The following GADL1 variants were observed in gnomAD, a reference collection of about 807,000 sequenced individuals.
GADL1 encodes the protein acidic amino acid decarboxylase GADL1.
A neutral mutation model predicts 69.5 loss-of-function variants in GADL1; 71 were observed. The observed-to-expected ratio is 1.02, with a 90% CI of 0.84 to 1.25. The LOEUF is 1.25. Among genes scored for constraint, GADL1 ranks in the 50% most tolerant of loss-of-function variants. The pLI is 0.00. For missense variants in GADL1, 737 were observed against 631.8 expected, an observed-to-expected ratio of 1.17 and a Z score of -1.79; for synonymous variants, 254 against 214.4, an observed-to-expected ratio of 1.18 and a Z score of -1.62.
At chr3:30,801,320 T>C (rs1434585842) in intron 11 of GADL1, among the ~76,000 whole-genome samples, 1 of 152,132 alleles carries the variant, frequency 6.6e-6, no homozygotes, top group Non-Finnish European at 1.5e-5. Flanking sequence ...ATCTTCACAA[T>C]TTTACTGAGT....
chr3:30,837,039 A>T (rs1306418769), intron 9 of GADL1, among the ~76,000 whole-genome samples: 2 of 152,066 alleles, frequency 1.3e-5, no homozygotes, highest in South Asian at 4.1e-4. Context: ...CAGAGTTAAA[A>T]TTTTTTTAAG....
intron 11 of GADL1, among the ~76,000 whole-genome samples, chr3:30,810,286 A>G (rs961724774): frequency 2.0e-5 from 3 of 152,184 alleles, no homozygotes; most frequent in Non-Finnish European, 4.4e-5. Flanking sequence ...GTTAATTGAT[A>G]TAATGCTTTT....
chr3:30,831,044 C>A (rs1697781616), intron 11 of GADL1, among the ~76,000 whole-genome samples: 2 of 151,940 alleles, frequency 1.3e-5, no homozygotes, highest in African/African-American at 4.8e-5. Flanking sequence ...TCTCTCTTGC[C>A]ATCAACTCTG....
intron 14 of GADL1, among the ~76,000 whole-genome samples, chr3:30,735,456 A>C (rs987066871): frequency 6.6e-6 from 1 of 152,216 alleles, no homozygotes; most frequent in Admixed American, 6.5e-5. Flanking sequence ...AATACTACTC[A>C]GCAATTAAAG....
At chr3:30,806,002 C>A (rs1028538521) in intron 11 of GADL1, among the ~76,000 whole-genome samples, 56 of 151,992 alleles carry the variant, frequency 3.7e-4, no homozygotes, top group Non-Finnish European at 2.9e-4. Flanking sequence ...TCACCTACCA[C>A]TCACCTCCTG....
chr3:30,822,250 G>T, intron 11 of GADL1, among the ~76,000 whole-genome samples: 1 of 152,034 alleles, frequency 6.6e-6, no homozygotes, highest in East Asian at 1.9e-4. Flanking sequence ...GGCAGTCACT[G>T]ATCACCTCAG....
intron 14 of GADL1, among the ~76,000 whole-genome samples, chr3:30,741,504 A>G (rs1211157833): frequency 6.6e-6 from 1 of 152,004 alleles, no homozygotes; most frequent in Non-Finnish European, 1.5e-5. Context: ...TGATCTGTCT[A>G]TTCTCAGAAT....
intron 1 of GADL1, among the ~76,000 whole-genome samples, chr3:30,872,058 C>T (rs756632528): frequency 1.3e-5 from 2 of 151,866 alleles, no homozygotes; most frequent in Non-Finnish European, 2.9e-5. Context: ...CTTAGATTGT[C>T]ATATTAATAA....
intron 14 of GADL1, among the ~76,000 whole-genome samples, chr3:30,748,600 G>A (rs574967054): frequency 1.3e-5 from 2 of 152,306 alleles, no homozygotes; most frequent in African/African-American, 4.8e-5. Context: ...AACAATATAT[G>A]TGTAAGAGGC....
At chr3:30,888,196 G>T (rs1037043329) in intron 1 of GADL1, among the ~76,000 whole-genome samples, 1 of 152,092 alleles carries the variant, frequency 6.6e-6, no homozygotes, top group African/African-American at 2.4e-5. Flanking sequence ...CAGCTAGGAA[G>T]GGCCAACTGT....
intron 14 of GADL1, among the ~76,000 whole-genome samples, chr3:30,762,323 T>TG (rs1168853112): frequency 6.6e-6 from 1 of 152,220 alleles, no homozygotes; most frequent in African/African-American, 2.4e-5. Flanking sequence ...CTTTTCTACC[T>TG]GGTAGTTCAA....
intron 12 of GADL1, among the ~76,000 whole-genome samples, chr3:30,792,282 A>G (rs929648682): frequency 4.6e-5 from 7 of 152,180 alleles, no homozygotes; most frequent in African/African-American, 1.7e-4. Flanking sequence ...TATGCTTAGA[A>G]GTACACTTGG....
At chr3:30,806,283 G>A (rs1280488853) in intron 11 of GADL1, among the ~76,000 whole-genome samples, 2 of 152,088 alleles carry the variant, frequency 1.3e-5, no homozygotes, top group East Asian at 3.9e-4. Flanking sequence ...TAAAAATTAT[G>A]TATTGAGGAC....
In GADL1 at chr3:30,833,930, C is replaced by T. The variant is rs1005268130; in HGVS notation, c.973G>A (p.Asp325Asn). ...RKLLHGIHRA[D>N]SVAWNPHKML... is the part of the protein sequence containing the mutation. ...TTGTGTGGGTTCCAGGCCACAGAGTCAGCCCTATTGTTTAAACAAAGGGAC... is the reference window on the plus strand; with the variant it reads ...TTGTGTGGGTTCCAGGCCACAGAGTTAGCCCTATTGTTTAAACAAAGGGAC... The change falls in exon 11 of 15, where the codon GAC (aspartate) becomes AAC (asparagine). Residue 325 changes from aspartate to asparagine, a missense_variant. Physicochemically the swap from Asp to Asn is conservative, Grantham distance 23. Transcript: ENST00000282538. 6.2e-7 allele frequency: 1 copy of T among 1,611,348 alleles called. No homozygotes were observed. The highest frequency in any genetic ancestry group is 1.7e-5 in the Admixed American group (1 of 59,854).
chr3:30,737,157 G>A (rs895642594), intron 14 of GADL1, among the ~76,000 whole-genome samples: 1 of 152,098 alleles, frequency 6.6e-6, no homozygotes, highest in Non-Finnish European at 1.5e-5. Flanking sequence ...AAGCCTAGTG[G>A]TCTGTATATT....
intron 1 of GADL1, among the ~76,000 whole-genome samples, chr3:30,877,124 T>C (rs917907226): frequency 5.3e-5 from 8 of 151,918 alleles, no homozygotes; most frequent in African/African-American, 1.9e-4. Flanking sequence ...TCTACAAATA[T>C]GGAAATATGA....
At position 30,889,553 on chromosome 3, in the gene GADL1, C is replaced by T. The variant is rs1238189386; in HGVS notation, c.37+5025G>A. On this transcript the variant is annotated intron_variant, in intron 1 of 14. Transcript: ENST00000282538. ...GAGACCAAAAGTTAACCATGACTTA[C>T]AGCAAAGCAATGTATTTAACGTGGC... 4.6e-5 allele frequency among the ~76,000 whole-genome samples: 7 copies of T among 152,320 alleles called. No homozygotes were observed. In the East Asian group the frequency reaches 9.6e-4, roughly 21 times the overall value.
intron 11 of GADL1, among the ~76,000 whole-genome samples, chr3:30,830,800 G>C (rs1348197663): frequency 6.6e-6 from 1 of 151,742 alleles, no homozygotes; most frequent in African/African-American, 2.4e-5. Context: ...TACCTCTTAA[G>C]AACCTCAAAT....
At chr3:30,815,019 A>G (rs1170551541) in intron 11 of GADL1, among the ~76,000 whole-genome samples, 3 of 152,136 alleles carry the variant, frequency 2.0e-5, no homozygotes, top group Non-Finnish European at 4.4e-5. Context: ...TCCCTTTTAC[A>G]CAGTAAATAC....
Sources: allele counts gnomAD v4.1 joint callset (sites outside exome capture counted in the v4.1 genomes callset), GRCh38; gene constraint gnomAD v4.1.1; transcripts MANE v1.5; gene names NCBI Gene and HGNC (gene_info 2026-07-23, HGNC 2026-07-21).